Variants in ALOX5AP observed in about 807,000 individuals in gnomAD.
ALOX5AP encodes arachidonate 5-lipoxygenase activating protein, also known as arachidonate 5-lipoxygenase-activating protein.
A neutral mutation model predicts 18.5 loss-of-function variants in ALOX5AP; 9 were observed. The observed-to-expected ratio is 0.49, with a 90% CI of 0.29 to 0.85. The LOEUF is 0.85. Ranked by LOEUF, ALOX5AP falls within the 40% of genes least tolerant of loss-of-function variation. The probability of loss-of-function intolerance (pLI) is 0.08; values close to 1 mark genes in which losing one functional copy is unlikely to be tolerated. For synonymous variants in ALOX5AP, 81 were observed against 78.6 expected (o/e 1.03, Z -0.16); for missense variants, 172 against 202.5 (o/e 0.85, Z 0.91).
intron 2 of ALOX5AP, among the ~76,000 whole-genome samples, chr13:30,744,569 C>T (rs1951794188): frequency 6.6e-6 from 1 of 152,192 alleles, no homozygotes; most frequent in Non-Finnish European, 1.5e-5. Flanking sequence ...TCACCCACCC[C>T]TTGCTCCCCT....
chr13:30,757,543 G>A (rs1431815146), intron 4 of ALOX5AP, among the ~76,000 whole-genome samples: 3 of 151,956 alleles, frequency 2.0e-5, no homozygotes, highest in East Asian at 3.8e-4. Context: ...TGATTACCTC[G>A]TTAAGAGTGG....
chr13:30,747,321 C>G (rs1301539722), intron 2 of ALOX5AP, among the ~76,000 whole-genome samples: 1 of 152,158 alleles, frequency 6.6e-6, no homozygotes, highest in African/African-American at 2.4e-5. Context: ...GGATTATAGG[C>G]ACATGCCCCC....
At chr13:30,744,584 G>A (rs1308438894) in intron 2 of ALOX5AP, among the ~76,000 whole-genome samples, 1 of 152,198 alleles carries the variant, frequency 6.6e-6, no homozygotes, top group African/African-American at 2.4e-5. Context: ...TCCCCTGCGG[G>A]TGGAAGTCTG....
chr13:30,722,302 A>G (rs1244645270), intron 1 of ALOX5AP, among the ~76,000 whole-genome samples: 7 of 152,362 alleles, frequency 4.6e-5, no homozygotes, highest in Non-Finnish European at 7.3e-5. Flanking sequence ...ACAGGAAGAA[A>G]GAAGGCACCT....
At chr13:30,758,210 A>G (rs1364049769) in intron 4 of ALOX5AP, among the ~76,000 whole-genome samples, 1 of 152,210 alleles carries the variant, frequency 6.6e-6, no homozygotes, top group African/African-American at 2.4e-5. Context: ...TGCAAGCCAG[A>G]GGGGCTTTAT....
intron 1 of ALOX5AP, among the ~76,000 whole-genome samples, chr13:30,728,664 A>G (rs1365010160): frequency 6.6e-6 from 1 of 152,166 alleles, no homozygotes; most frequent in East Asian, 1.9e-4. Flanking sequence ...CAGCCTGGGT[A>G]ACAGTGATAC....
At chr13:30,725,063 G>A (rs576330683) in intron 1 of ALOX5AP, among the ~76,000 whole-genome samples, 1 of 152,308 alleles carries the variant, frequency 6.6e-6, no homozygotes, top group East Asian at 1.9e-4. Flanking sequence ...GTGAAGGACA[G>A]TGCCAAAGGA....
intron 1 of ALOX5AP, among the ~76,000 whole-genome samples, chr13:30,716,525 G>A (rs1333061192): frequency 6.6e-6 from 1 of 152,198 alleles, no homozygotes; most frequent in African/African-American, 2.4e-5. Flanking sequence ...CTTTTGAGAA[G>A]TGTTGCTTTA....
At chr13:30,719,055 C>T (rs1013813199) in intron 1 of ALOX5AP, among the ~76,000 whole-genome samples, 4 of 152,192 alleles carry the variant, frequency 2.6e-5, no homozygotes, top group Non-Finnish European at 5.9e-5. Flanking sequence ...TGAAATCCCA[C>T]GAACTCAGGC....
chr13:30,732,095 G>T (rs1593431603), upstream of ALOX5AP, among the ~76,000 whole-genome samples: 1 of 152,358 alleles, frequency 6.6e-6, no homozygotes, highest in Non-Finnish European at 1.5e-5. Context: ...GGGTGAAGTG[G>T]ACTCCCTCCA....
At chr13:30,719,077 C>A (rs897516673) in intron 1 of ALOX5AP, among the ~76,000 whole-genome samples, 2 of 152,158 alleles carry the variant, frequency 1.3e-5, no homozygotes, top group Admixed American at 6.6e-5. Context: ...TCACACTGAC[C>A]GGGTCTGAGT....
At chr13:30,714,793 G>T (rs1367648320) in intron 1 of ALOX5AP, among the ~76,000 whole-genome samples, 1 of 152,182 alleles carries the variant, frequency 6.6e-6, no homozygotes, top group Non-Finnish European at 1.5e-5. Context: ...GGCACTTGTT[G>T]AATGACTTTA....
Position 30,744,085 on chromosome 13 carries a change from C to T in ALOX5AP, c.96C>T (p.His32=), listed in dbSNP as rs141376946. Residue 32 remains histidine, a synonymous_variant, in exon 2 of 5, where the codon CAC becomes CAT. Coordinates refer to ENST00000380490, the MANE Select transcript of ALOX5AP (RefSeq NM_001629.4). ...GATTCTTTGCCCATAAAGTGGAGCA[C>T]GAAAGCAGGACCCAGAATGGGAGGA... ...QNGFFAHKVE[H]ESRTQNGRSF... is the part of the protein sequence containing the mutation. The T allele has an allele frequency of 3.8e-5, 62 of 1,614,122 alleles. No homozygotes were observed. The African/African-American group carries it at 4.8e-4, about 12-fold the overall frequency.
At chr13:30,723,304 T>A (rs989005707) in intron 1 of ALOX5AP, among the ~76,000 whole-genome samples, 3 of 152,252 alleles carry the variant, frequency 2.0e-5, no homozygotes, top group African/African-American at 7.2e-5. Context: ...GTGTCTAGAT[T>A]CATTTTTTTG....
At chr13:30,732,969 C>A (rs376672259), upstream of ALOX5AP, among the ~76,000 whole-genome samples, 2 of 151,938 alleles carry the variant, frequency 1.3e-5, no homozygotes, top group African/African-American at 2.4e-5. Flanking sequence ...TCCCGGCTAA[C>A]ACGGTGAAAC....
At chr13:30,731,134 A>G (rs1951677778), upstream of ALOX5AP, among the ~76,000 whole-genome samples, 1 of 152,158 alleles carries the variant, frequency 6.6e-6, no homozygotes, top group South Asian at 2.1e-4. Context: ...CGTGAAGTGT[A>G]TATGTCTTCC....
rs1290916732 is a variant in ALOX5AP, at chr13:30,744,294, G to A, written c.170+135G>A. 6.5e-5 allele frequency: 47 copies of A among 726,768 alleles called. No individual in the cohort carries two copies. The East Asian group carries it at 1.1e-3, about 18-fold the overall frequency. The allele number at this position is 726,768 out of a possible 1,614,324, so 45.0% of individuals were successfully genotyped here. A position where few individuals can be genotyped will look rare whatever the true frequency, so the allele number is the denominator to read the frequency against. ...GAGCGCCAGGGAGGTGAGGAAGGTT[G>A]GACTTCACCAGAGAGGCTTTGTGGA... On this transcript the variant is annotated intron_variant, in intron 2 of 4. Transcript: ENST00000380490.
At chr13:30,743,219 C>T (rs978719873) in intron 1 of ALOX5AP, among the ~76,000 whole-genome samples, 1 of 151,944 alleles carries the variant, frequency 6.6e-6, no homozygotes, top group Admixed American at 6.6e-5. Context: ...GGCTCACGAC[C>T]CCACCTTCTT....
chr13:30,729,154 AT>A lies in ALOX5AP; in HGVS notation c.117-6387del, dbSNP rs371655461. Among the ~76,000 whole-genome samples, 104 of 150,142 alleles carry A rather than the reference AT, an allele frequency of 6.9e-4. 1 individual carries two copies. Among genetic ancestry groups the A allele is most frequent in the African/African-American group, 2.1e-3 (87 of 40,888 alleles). On this transcript the variant is annotated intron_variant, in intron 1 of 5. Transcript: ENST00000617770. ...CATTTTGATGAAGTCTAATTTATTGATTTTTTTTTTCTTAGATGGCTCATGC... is the reference window on the plus strand; with the variant it reads ...CATTTTGATGAAGTCTAATTTATTGATTTTTTTTTCTTAGATGGCTCATGC...
Sources: gnomAD v4.1 joint callset for allele counts (sites outside exome capture counted in the v4.1 genomes callset) on GRCh38, gnomAD v4.1.1 for gene constraint, MANE v1.5 for transcripts, NCBI Gene and HGNC (gene_info 2026-07-23, HGNC 2026-07-21) for gene names.